Variants in PROKR2 observed in about 807,000 individuals in gnomAD.
The protein encoded by PROKR2 is prokineticin receptor 2.
Under a neutral mutation model 23.4 loss-of-function variants are expected in PROKR2, and 26 were observed. The ratio of observed to expected loss-of-function variants is 1.11; its 90% CI spans 0.81 to 1.54. The LOEUF is 1.54. Among genes scored for constraint, PROKR2 ranks in the 40% most tolerant of loss-of-function variants. PROKR2 has a pLI of 0.00. For missense variants in PROKR2, 453 were observed against 511.5 expected, an observed-to-expected ratio of 0.89 and a Z score of 1.10; for synonymous variants, 212 against 201.2, an observed-to-expected ratio of 1.05 and a Z score of -0.45.
At chr20:5,311,542 G>A (rs6076807) in intron 2 of PROKR2, among the ~76,000 whole-genome samples, 77,344 of 151,794 alleles carry the variant, frequency 0.51, 19,982 homozygotes, top group African/African-American at 0.61. Flanking sequence ...TGGGAACAGT[G>A]CTTACTTTCT....
intron 2 of PROKR2, among the ~76,000 whole-genome samples, chr20:5,312,247 C>CA (rs1568572622): frequency 6.6e-6 from 1 of 152,194 alleles, no homozygotes; most frequent in Admixed American, 6.5e-5. Flanking sequence ...GCTGGGATTA[C>CA]AGGCACCCGC....
rs372351833 is a variant in PROKR2 at position 5,308,697 on chromosome 20, C to T, written c.458+5215G>A. 3.9e-5 allele frequency among the ~76,000 whole-genome samples: 6 copies of T among 152,250 alleles called. No homozygotes were observed. In the East Asian group the frequency reaches 5.8e-4, roughly 15 times the overall value. ...GCTGCTGGGGTAGGGTCTCCCCGACCGAGCTGGTCTCAGCAGCTGCCTATA... is the reference window on the plus strand; with the variant it reads ...GCTGCTGGGGTAGGGTCTCCCCGACTGAGCTGGTCTCAGCAGCTGCCTATA... On this transcript the variant is annotated intron_variant, in intron 2 of 2. Transcript: ENST00000678254.
At chr20:5,310,561 T>C (rs1025691294) in intron 2 of PROKR2, among the ~76,000 whole-genome samples, 6 of 96,848 alleles carry the variant, frequency 6.2e-5, no homozygotes, top group Non-Finnish European at 1.3e-4. Flanking sequence ...TTTTTTTCAA[T>C]TAGTTTAGAA....
In PROKR2 at chr20:5,300,038, A is replaced by T. The variant is rs78687002; in HGVS notation, c.*2002T>A. Among the ~76,000 whole-genome samples, 426 of 152,366 alleles carry T rather than the reference A, an allele frequency of 2.8e-3. 7 individuals are homozygous for T. In the East Asian group the frequency reaches 0.039, roughly 14 times the overall value. On this transcript the variant is annotated 3_prime_UTR_variant, in exon 3 of 3. Transcript: ENST00000678254. The stretch of plus-strand genomic sequence containing the variant: ...AACAAATCAACAAATAATAGAAACA[A>T]TCAAACAAGCAAACAATTAATTCCT...
intron 2 of PROKR2, among the ~76,000 whole-genome samples, chr20:5,310,730 T>C (rs116432753): frequency 0.01 from 642 of 61,328 alleles, 7 homozygotes; most frequent in African/African-American, 0.048. Flanking sequence ...TCAGCAGGAA[T>C]ATGCTCTAGT....
At position 5,302,052 on chromosome 20, in the gene PROKR2, G is replaced by A; in HGVS notation, c.1143C>T (p.Ile381=). ...TGACACCAGTGGGTCACTTCAGCCT[G>A]ATACAGTCCACCTCTTCTGTGGTGG... ...GVPTTEEVDC[I]RLK The change falls in exon 3 of 3, where the codon ATC becomes ATT. Residue 381 remains isoleucine (I), a synonymous_variant. Transcript: ENST00000678254. 1 of 1,613,978 alleles carries A rather than the reference G, an allele frequency of 6.2e-7. No homozygotes were observed.
At chr20:5,308,650 G>A (rs1441252248) in intron 2 of PROKR2, among the ~76,000 whole-genome samples, 1 of 152,182 alleles carries the variant, frequency 6.6e-6, no homozygotes, top group African/African-American at 2.4e-5. Context: ...ATTTCTGTGT[G>A]TGTGTCTTTA....
intron 2 of PROKR2, among the ~76,000 whole-genome samples, chr20:5,306,414 T>C (rs970460270): frequency 6.6e-6 from 1 of 152,236 alleles, no homozygotes. Flanking sequence ...TTGATAGTCA[T>C]AGATTTAAAA....
At chr20:5,306,134 G>C (rs1979208387) in intron 2 of PROKR2, among the ~76,000 whole-genome samples, 2 of 152,146 alleles carry the variant, frequency 1.3e-5, no homozygotes, top group Admixed American at 1.3e-4. Flanking sequence ...CCTTTAAAAT[G>C]GTTAACAGAT....
chr20:5,308,922 G>C (rs1401267848), intron 2 of PROKR2, among the ~76,000 whole-genome samples: 1 of 152,144 alleles, frequency 6.6e-6, no homozygotes, highest in Non-Finnish European at 1.5e-5. Context: ...CATTAGAGGA[G>C]ATACCAAAGC....
chr20:5,314,701 T>C (rs1979591646), intron 1 of PROKR2, among the ~76,000 whole-genome samples: 2 of 152,192 alleles, frequency 1.3e-5, no homozygotes, highest in East Asian at 3.9e-4. Flanking sequence ...ATAGGATGGA[T>C]CAGACTGTCC....
rs1309828782 is a variant in PROKR2, at chr20:5,299,676, G to T, written c.*2364C>A. Among the ~76,000 whole-genome samples the T allele has an allele frequency of 6.6e-6, 1 of 152,150 alleles. No homozygotes were observed. The highest frequency in any genetic ancestry group is 2.4e-5 in the African/African-American group (1 of 41,432). On this transcript the variant is annotated 3_prime_UTR_variant, in exon 3 of 3. Coordinates refer to ENST00000678254, the MANE Select transcript of PROKR2 (RefSeq NM_144773.4). ...ATCTTGCTCTATCACCCAGGCTGGA[G>T]TGCAGTGGTGTGATCTCAATTCACT...
rs1978988040 is a variant in PROKR2, at chr20:5,301,555, T to G, written c.*485A>C. Among the ~76,000 whole-genome samples, 1 of 152,214 alleles carries G rather than the reference T, an allele frequency of 6.6e-6. No homozygotes were observed. The highest frequency in any genetic ancestry group is 2.4e-5 in the African/African-American group (1 of 41,462). On this transcript the variant is annotated 3_prime_UTR_variant, in exon 3 of 3. Coordinates refer to ENST00000678254, the MANE Select transcript of PROKR2 (RefSeq NM_144773.4). ...CTATAGCCTTTTGATATTCCTGCAC[T>G]GGTAAGATACAGAATTAGGGAAGAT...
rs527295612 is a variant in PROKR2 at position 5,316,794 on chromosome 20, T to C, written c.-309A>G. 9.2e-5 allele frequency among the ~76,000 whole-genome samples: 14 copies of C among 152,148 alleles called. No individual in the cohort carries two copies. The highest frequency in any genetic ancestry group is 7.2e-4 in the Admixed American group (11 of 15,296). Reference sequence around the variant, plus strand: ...CGCCCCGGGGTCCCCGCCTGCCTCCTAGTCCAGGCCAAGGGTGGATGCCCA... The same window carrying C: ...CGCCCCGGGGTCCCCGCCTGCCTCCCAGTCCAGGCCAAGGGTGGATGCCCA... On this transcript the variant is annotated 5_prime_UTR_variant, in exon 1 of 3. Coordinates refer to ENST00000678254, the MANE Select transcript of PROKR2 (RefSeq NM_144773.4). The surrounding 1 kb of genome is among the most constrained non-coding windows in gnomAD (Gnocchi z 5.0).
intron 2 of PROKR2, among the ~76,000 whole-genome samples, chr20:5,304,324 A>G (rs1979134387): frequency 1.3e-5 from 2 of 152,208 alleles, no homozygotes; most frequent in Admixed American, 1.3e-4. Flanking sequence ...TTACTCAAAT[A>G]ATTTAAACAA....
rs1979575571 is a variant in PROKR2 at position 5,314,357 on chromosome 20, T to C, written c.13A>G (p.Asn5Asp). Residue 5 changes from asparagine (N) to aspartate (D), a missense_variant, in exon 2 of 3, where the codon AAT becomes GAT. Coordinates refer to ENST00000678254, the MANE Select transcript of PROKR2 (RefSeq NM_144773.4). MAAQNGNTSFTPNFN... is the reference protein window; with the variant it reads MAAQDGNTSFTPNFN... ...TTGGGTGTGAAACTGGTGTTTCCAT[T>C]CTGGGCTGCCATGGTGATGTCTGCA... 3 of 1,613,996 alleles carry C rather than the reference T, an allele frequency of 1.9e-6. No homozygotes were observed. Among genetic ancestry groups the C allele is most frequent in the African/African-American group, 2.7e-5 (2 of 75,012 alleles).
At chr20:5,310,476 T>G (rs533529268) in intron 2 of PROKR2, among the ~76,000 whole-genome samples, 1 of 152,288 alleles carries the variant, frequency 6.6e-6, no homozygotes, top group African/African-American at 2.4e-5. Context: ...TGATAAAAGC[T>G]CCCTTCTCCA....
intron 2 of PROKR2, among the ~76,000 whole-genome samples, chr20:5,308,444 C>A (rs1465813709): frequency 6.6e-6 from 1 of 151,656 alleles, no homozygotes; most frequent in Non-Finnish European, 1.5e-5. Flanking sequence ...ACTAGCCCAA[C>A]CCATCCCTTT....
At chr20:5,302,764 T>C (rs1278969969) in intron 2 of PROKR2, 28 bp from the exon 3 acceptor site, 1 of 1,539,556 alleles carries the variant, frequency 6.5e-7, no homozygotes, top group Non-Finnish European at 9.0e-7. Flanking sequence ...CCAACAGTAG[T>C]AATGATGAAT....
Sources: allele counts gnomAD v4.1 joint callset (sites outside exome capture counted in the v4.1 genomes callset), GRCh38; gene constraint gnomAD v4.1.1; non-coding constraint Gnocchi (gnomAD v3.1); transcripts MANE v1.5; gene names NCBI Gene and HGNC (gene_info 2026-07-23, HGNC 2026-07-21).